The following KCNE1 variants were observed in gnomAD, a reference collection of about 807,000 sequenced individuals.
The protein encoded by KCNE1 is potassium voltage-gated channel subfamily E regulatory subunit 1.
KCNE1 carries 1 observed loss-of-function variant against 2.9 expected under a neutral mutation model. The observed-to-expected ratio is 0.34, with a 90% CI of 0.12 to 1.62. The LOEUF (loss-of-function observed/expected upper bound fraction) is 1.62. KCNE1 is among the 40% of genes most tolerant of loss of function. The probability of loss-of-function intolerance (pLI) is 0.36; values close to 1 mark genes in which losing one functional copy is unlikely to be tolerated. For missense variants in KCNE1, 45 were observed against 150.5 expected (o/e 0.30, Z 3.67); for synonymous variants, 23 against 65.4 (o/e 0.35, Z 3.13).
intron 1 of KCNE1, among the ~76,000 whole-genome samples, chr21:34,511,751 C>T (rs1477274548): frequency 2.0e-5 from 3 of 152,184 alleles, no homozygotes; most frequent in Non-Finnish European, 4.4e-5. Context: ...CACTGCCCTG[C>T]CCTGCACACA....
At chr21:34,504,570 T>G (rs1160509660) in intron 2 of KCNE1, among the ~76,000 whole-genome samples, 1 of 152,130 alleles carries the variant, frequency 6.6e-6, no homozygotes, top group Non-Finnish European at 1.5e-5. Flanking sequence ...ATATATACCC[T>G]GAGAGAAATG....
chr21:34,505,732 C>T (rs757252449), intron 2 of KCNE1, among the ~76,000 whole-genome samples: 4 of 152,346 alleles, frequency 2.6e-5, no homozygotes, highest in African/African-American at 4.8e-5. Flanking sequence ...GAGTGGCCCA[C>T]GCAGATTTCT....
chr21:34,508,884 A>G (rs998774124), intron 2 of KCNE1, among the ~76,000 whole-genome samples: 1 of 152,228 alleles, frequency 6.6e-6, no homozygotes, highest in Non-Finnish European at 1.5e-5. Context: ...ATGCTTCACT[A>G]ATGGTACAAA....
At chr21:34,506,637 A>G (rs929000916) in intron 2 of KCNE1, among the ~76,000 whole-genome samples, 2 of 152,362 alleles carry the variant, frequency 1.3e-5, no homozygotes, top group African/African-American at 4.8e-5. Context: ...GTTATAAGCA[A>G]TACATCTAAT....
chr21:34,510,030 G>A (rs1239751023), intron 2 of KCNE1: 3 of 152,178 alleles, frequency 2.0e-5, no homozygotes, highest in Non-Finnish European at 4.4e-5. Flanking sequence ...ATAAAGGAAC[G>A]TAATCACAGA....
At position 34,511,281 on chromosome 21, in the gene KCNE1, A is replaced by G; in HGVS notation, c.-342T>C. On this transcript the variant is annotated 5_prime_UTR_variant, in exon 2 of 4. Transcript: ENST00000399286. ...CAGGCCATGCCATTCAACGCCCTCC[A>G]GGACAGGCCGAAGGGCTTGTCTGTT... 1.0e-6 allele frequency: 1 copy of G among 985,532 alleles called. No homozygotes were observed. The highest frequency in any genetic ancestry group is 1.1e-4 in the East Asian group (1 of 8,820). 61.0% of individuals were successfully genotyped at this position (985,532 alleles called of 1,614,324 possible). A position where few individuals can be genotyped will look rare whatever the true frequency, so the allele number is the denominator to read the frequency against.
At chr21:34,496,512 G>A (rs189055541) in intron 2 of KCNE1, among the ~76,000 whole-genome samples, 3 of 152,174 alleles carry the variant, frequency 2.0e-5, no homozygotes, top group African/African-American at 7.2e-5. Context: ...TATTCCACAC[G>A]GTCTGAAAGG....
intron 2 of KCNE1, among the ~76,000 whole-genome samples, chr21:34,508,114 C>T (rs1057389614): frequency 6.6e-6 from 1 of 151,814 alleles, no homozygotes; most frequent in African/African-American, 2.4e-5. Flanking sequence ...ACAAACTCTG[C>T]CTCCTGGGCT....
At chr21:34,450,302 G>A (rs1265563279) in intron 3 of KCNE1, among the ~76,000 whole-genome samples, 1 of 48,618 alleles carries the variant, frequency 2.1e-5, no homozygotes, top group Non-Finnish European at 3.7e-5. Context: ...CAGACTGGTT[G>A]CCCTTGGAAG....
chr21:34,501,521 G>A (rs1983166970), intron 2 of KCNE1, among the ~76,000 whole-genome samples: 1 of 152,166 alleles, frequency 6.6e-6, no homozygotes, highest in Non-Finnish European at 1.5e-5. Flanking sequence ...ATGCTCAGTT[G>A]TCTGATAAAG....
In KCNE1 at chr21:34,509,279, C is replaced by G. The variant is rs373886689; in HGVS notation, c.-162+1822G>C. 3.3e-5 allele frequency among the ~76,000 whole-genome samples: 5 copies of G among 152,270 alleles called. No homozygotes were observed. In the East Asian group the frequency reaches 9.7e-4, roughly 29 times the overall value. On this transcript the variant is annotated intron_variant, in intron 2 of 3. Transcript: ENST00000399286. ...GTCCTCTTCCTTGCTGGCTGCTGGC[C>G]GGGGGCCATCCTCAGCTCCTAGAGG...
chr21:34,500,311 T>G (rs546023503), intron 2 of KCNE1, among the ~76,000 whole-genome samples: 2 of 152,328 alleles, frequency 1.3e-5, no homozygotes, highest in East Asian at 3.9e-4. Flanking sequence ...ATAAATCCAG[T>G]AAGGGCAAAG....
At chr21:34,510,652 T>G (rs1983790171) in intron 2 of KCNE1, 1 of 152,852 alleles carries the variant, frequency 6.5e-6, no homozygotes, top group Non-Finnish European at 1.5e-5. Flanking sequence ...CCCCACTGCC[T>G]GCCTCCTTGA....
chr21:34,503,634 C>G (rs939648812), intron 2 of KCNE1, among the ~76,000 whole-genome samples: 1 of 152,190 alleles, frequency 6.6e-6, no homozygotes, highest in Non-Finnish European at 1.5e-5. Context: ...CCACCCATTA[C>G]TCATTAGCAT....
chr21:34,508,859 T>C (rs1983664790), intron 2 of KCNE1, among the ~76,000 whole-genome samples: 1 of 152,232 alleles, frequency 6.6e-6, no homozygotes, highest in Non-Finnish European at 1.5e-5. Context: ...TACAGTAGTA[T>C]AGTTTGGAGT....
At chr21:34,499,424 G>T (rs372910261) in intron 2 of KCNE1, among the ~76,000 whole-genome samples, 19 of 152,244 alleles carry the variant, frequency 1.2e-4, no homozygotes, top group African/African-American at 4.3e-4. Context: ...TTGCCCTCCG[G>T]ATTCTGTTCA....
At position 34,497,953 on chromosome 21, in the gene KCNE1, C is replaced by T. The variant is rs117595792; in HGVS notation, c.-162+13148G>A. ...TTGCCTTCGAGCTCTGAAGTTCTTT[C>T]GTCTGCTTGTTCTAATCTATTGTTG... is the stretch of plus-strand genomic sequence containing the variant. On this transcript the variant is annotated intron_variant, in intron 2 of 3. Coordinates refer to ENST00000399286, the MANE Select transcript of KCNE1 (RefSeq NM_000219.6). Among the ~76,000 whole-genome samples the T allele has an allele frequency of 2.5e-4, 38 of 151,686 alleles. 1 individual carries two copies. In the East Asian group the frequency reaches 6.4e-3, roughly 25 times the overall value.
chr21:34,498,580 C>T (rs73365378), intron 2 of KCNE1, among the ~76,000 whole-genome samples: 1,797 of 152,344 alleles, frequency 0.012, 42 homozygotes, highest in African/African-American at 0.041. Context: ...GCCATAGCTA[C>T]CAGCACCTGC....
intron 2 of KCNE1, among the ~76,000 whole-genome samples, chr21:34,508,721 C>CA (rs1443398592): frequency 2.2e-4 from 33 of 152,284 alleles, no homozygotes; most frequent in Admixed American, 2.1e-3. Flanking sequence ...GACAGTATTA[C>CA]AAAAAATAGT....
Sources: gnomAD v4.1 joint callset for allele counts (sites outside exome capture counted in the v4.1 genomes callset) on GRCh38, gnomAD v4.1.1 for gene constraint, MANE v1.5 for transcripts, NCBI Gene and HGNC (gene_info 2026-07-23, HGNC 2026-07-21) for gene names.